NELL1: variants seen among roughly 807,000 people sequenced by gnomAD.
NELL1 encodes protein kinase C-binding protein NELL1.
A neutral mutation model predicts 107.4 loss-of-function variants in NELL1; 76 were observed. The observed-to-expected ratio is 0.71, with a 90% confidence interval of 0.59 to 0.86. The LOEUF (loss-of-function observed/expected upper bound fraction) is 0.86, where lower values mean the gene tolerates loss of function less well. Ranked by LOEUF, NELL1 falls within the 40% of genes least tolerant of loss-of-function variation. NELL1 has a pLI of 0.00. For missense variants in NELL1, 1,024 were observed against 1,005.5 expected (o/e 1.02, Z -0.25); for synonymous variants, 353 against 341.2 (o/e 1.03, Z -0.38).
intron 13 of NELL1, among the ~76,000 whole-genome samples, chr11:21,134,269 T>C (rs1365590495): frequency 6.6e-6 from 1 of 152,178 alleles, no homozygotes; most frequent in East Asian, 1.9e-4. Context: ...AAAGAAAGCT[T>C]CTTTGAGTTG....
chr11:21,044,210 G>A (rs983314567), intron 12 of NELL1, among the ~76,000 whole-genome samples: 13 of 152,126 alleles, frequency 8.5e-5, no homozygotes, highest in East Asian at 1.9e-4. Context: ...GAAAGCAGCA[G>A]CAGGAAGGGA....
At chr11:21,104,156 G>A (rs1447307414) in intron 12 of NELL1, among the ~76,000 whole-genome samples, 2 of 152,162 alleles carry the variant, frequency 1.3e-5, no homozygotes, top group African/African-American at 4.8e-5. Context: ...CACTGGGTTT[G>A]TTGGTACCAT....
chr11:21,556,325 T>C (rs982806487), intron 16 of NELL1, among the ~76,000 whole-genome samples: 5 of 151,956 alleles, frequency 3.3e-5, no homozygotes, highest in African/African-American at 1.2e-4. Context: ...GTCAAAGTTA[T>C]TCAAGAAAGA....
chr11:21,072,949 A>G (rs189169909), intron 12 of NELL1, among the ~76,000 whole-genome samples: 3 of 152,256 alleles, frequency 2.0e-5, no homozygotes, highest in Admixed American at 2.0e-4. Flanking sequence ...CAACACGCAG[A>G]AATGTGTCCC....
chr11:21,117,289 T>A (rs562849383), intron 13 of NELL1, among the ~76,000 whole-genome samples: 1 of 152,180 alleles, frequency 6.6e-6, no homozygotes, highest in South Asian at 2.1e-4. Flanking sequence ...TGGAATTTTC[T>A]TATGTATAAA....
chr11:21,145,025 C>T (rs1855946952), intron 13 of NELL1, among the ~76,000 whole-genome samples: 1 of 152,078 alleles, frequency 6.6e-6, no homozygotes, highest in Admixed American at 6.6e-5. Flanking sequence ...ACAATACTAC[C>T]ACATAGGGTT....
intron 10 of NELL1, among the ~76,000 whole-genome samples, chr11:20,942,290 G>C (rs1482754504): frequency 1.3e-5 from 2 of 152,184 alleles, no homozygotes; most frequent in Non-Finnish European, 2.9e-5. Flanking sequence ...CTTGGCTGCT[G>C]CTGGGAATGC....
chr11:21,359,004 C>T (rs11026046), intron 14 of NELL1, among the ~76,000 whole-genome samples: 29,475 of 151,904 alleles, frequency 0.19, 3,443 homozygotes, highest in South Asian at 0.29. Context: ...CTAGGACTTC[C>T]GGCACTATGT....
intron 15 of NELL1, among the ~76,000 whole-genome samples, chr11:21,459,771 A>C (rs1231674427): frequency 6.6e-6 from 1 of 152,112 alleles, no homozygotes; most frequent in African/African-American, 2.4e-5. Context: ...CTAAATGATG[A>C]AAATGTGAGG....
chr11:21,335,707 A>AAGTAAAATCCCACCCTCTAAAAACTCG (rs1850375545), intron 14 of NELL1, among the ~76,000 whole-genome samples: 1 of 151,596 alleles, frequency 6.6e-6, no homozygotes, highest in Non-Finnish European at 1.5e-5. Flanking sequence ...CTAAAAACGC[A>AAGTAAAATCCCACCCTCTAAAAACTCG]AATCCATTTG....
chr11:21,259,602 ACTAAGAATTTTGGAC>A (rs1286605662), intron 14 of NELL1, among the ~76,000 whole-genome samples: 1 of 151,862 alleles, frequency 6.6e-6, no homozygotes, highest in Admixed American at 6.6e-5. Flanking sequence ...TGAATGCCCT[ACTAAGAATTTTGGAC>A]CTAAATCCAT....
chr11:21,250,124 GC>G (rs1159010835), intron 14 of NELL1, among the ~76,000 whole-genome samples: 1 of 152,170 alleles, frequency 6.6e-6, no homozygotes, highest in Non-Finnish European at 1.5e-5. Context: ...CAACAAACCA[GC>G]AACTATTTAA....
intron 12 of NELL1, among the ~76,000 whole-genome samples, chr11:20,968,579 C>T (rs1023187969): frequency 3.9e-5 from 6 of 152,166 alleles, no homozygotes; most frequent in African/African-American, 4.8e-5. Flanking sequence ...TTATTTGCTA[C>T]GGAATGCCTT....
intron 12 of NELL1, among the ~76,000 whole-genome samples, chr11:20,975,399 A>C (rs570809989): frequency 6.6e-6 from 1 of 151,542 alleles, no homozygotes; most frequent in African/African-American, 2.4e-5. Flanking sequence ...CTTGCCCCTC[A>C]CTGAGAAGGC....
chr11:21,073,535 G>T (rs1854065309), intron 12 of NELL1, among the ~76,000 whole-genome samples: 1 of 152,132 alleles, frequency 6.6e-6, no homozygotes, highest in African/African-American at 2.4e-5. Context: ...GAATCTGCAT[G>T]TCTTCATGGG....
intron 12 of NELL1, among the ~76,000 whole-genome samples, chr11:21,040,131 T>G (rs915980497): frequency 1.3e-5 from 2 of 151,742 alleles, no homozygotes; most frequent in Non-Finnish European, 2.9e-5. Context: ...CATATAATTT[T>G]TTTTTACAGG....
intron 14 of NELL1, among the ~76,000 whole-genome samples, chr11:21,347,358 T>G (rs12276672): frequency 0.42 from 63,658 of 151,936 alleles, 13,533 homozygotes; most frequent in African/African-American, 0.51. Flanking sequence ...ATCCCAGCAC[T>G]TCGGGAGGCT....
intron 15 of NELL1, among the ~76,000 whole-genome samples, chr11:21,451,192 A>AG (rs1220000021): frequency 6.8e-6 from 1 of 146,966 alleles, no homozygotes; most frequent in African/African-American, 2.5e-5. Context: ...GTCTAAAAAA[A>AG]AAAAAAAAAA....
intron 4 of NELL1, among the ~76,000 whole-genome samples, chr11:20,864,054 A>G (rs1261739008): frequency 6.6e-6 from 1 of 152,090 alleles, no homozygotes; most frequent in Non-Finnish European, 1.5e-5. Context: ...CCGAGATGGC[A>G]GCAGCACAGC....
Sources: gnomAD v4.1 joint callset for allele counts (sites outside exome capture counted in the v4.1 genomes callset) on GRCh38, gnomAD v4.1.1 for gene constraint, MANE v1.5 for transcripts, NCBI Gene and HGNC (gene_info 2026-07-23, HGNC 2026-07-21) for gene names.